Variants in HS3ST5 observed in about 807,000 individuals in gnomAD.
HS3ST5 encodes heparan sulfate-glucosamine 3-sulfotransferase 5.
A neutral mutation model predicts 25.4 loss-of-function variants in HS3ST5; 10 were observed. The observed-to-expected ratio is 0.39, with a 90% confidence interval of 0.24 to 0.67. The LOEUF (loss-of-function observed/expected upper bound fraction) is 0.67, where lower values mean the gene tolerates loss of function less well. Ranked by LOEUF, HS3ST5 falls within the 30% of genes least tolerant of loss-of-function variation. HS3ST5 has a pLI of 0.44. For missense variants in HS3ST5, 324 were observed against 420.7 expected (o/e 0.77, Z 2.01); for synonymous variants, 170 against 162.4 (o/e 1.05, Z -0.36).
At chr6:114,069,916 T>C (rs558158152) in intron 3 of HS3ST5, among the ~76,000 whole-genome samples, 1 of 152,242 alleles carries the variant, frequency 6.6e-6, no homozygotes, top group South Asian at 2.1e-4. Flanking sequence ...TAGTGGTGGT[T>C]TACACTTACA....
intron 3 of HS3ST5, among the ~76,000 whole-genome samples, chr6:114,093,358 TG>T (rs1775238544): frequency 3.5e-4 from 24 of 69,062 alleles, no homozygotes; most frequent in Non-Finnish European, 4.3e-4. Flanking sequence ...TTTGTTTGTG[TG>T]TGTGTGTGTG....
intron 1 of HS3ST5, among the ~76,000 whole-genome samples, chr6:114,231,134 C>T (rs968339070): frequency 1.3e-5 from 2 of 152,168 alleles, no homozygotes; most frequent in South Asian, 2.1e-4. Flanking sequence ...TGATAGTTCT[C>T]ATGAGGTATG....
intron 2 of HS3ST5, among the ~76,000 whole-genome samples, chr6:114,172,194 C>T (rs1779504100): frequency 6.6e-6 from 1 of 152,232 alleles, no homozygotes; most frequent in South Asian, 2.1e-4. Context: ...CCTTTTCACA[C>T]TACCATTATT....
intron 2 of HS3ST5, among the ~76,000 whole-genome samples, chr6:114,184,122 G>C (rs1780100702): frequency 6.8e-6 from 1 of 146,270 alleles, no homozygotes; most frequent in Admixed American, 7.0e-5. Context: ...GAGTGCAGTG[G>C]GGCACAGTCT....
At chr6:114,211,554 AT>A (rs1470438640) in intron 2 of HS3ST5, among the ~76,000 whole-genome samples, 1 of 152,212 alleles carries the variant, frequency 6.6e-6, no homozygotes, top group East Asian at 1.9e-4. Flanking sequence ...AACTTTAGGA[AT>A]TTTTTATGAG....
intron 3 of HS3ST5, among the ~76,000 whole-genome samples, chr6:114,155,169 A>G (rs1268454255): frequency 6.6e-6 from 1 of 152,188 alleles, no homozygotes; most frequent in East Asian, 1.9e-4. Context: ...GTTTAACTCT[A>G]CTTCTTACAT....
chr6:114,162,423 T>G (rs1779017672), intron 3 of HS3ST5, among the ~76,000 whole-genome samples: 1 of 152,208 alleles, frequency 6.6e-6, no homozygotes, highest in Non-Finnish European at 1.5e-5. Context: ...TGTTATCACT[T>G]CTGCCCAGAA....
At chr6:114,184,067 T>G (rs1780094477) in intron 2 of HS3ST5, among the ~76,000 whole-genome samples, 2 of 135,064 alleles carry the variant, frequency 1.5e-5, no homozygotes, top group African/African-American at 2.8e-5. Flanking sequence ...TTTTTTTTTT[T>G]TTTTTTTTTT....
intron 1 of HS3ST5, among the ~76,000 whole-genome samples, chr6:114,250,659 T>C (rs538941945): frequency 4.1e-4 from 63 of 152,322 alleles, no homozygotes; most frequent in African/African-American, 1.5e-3. Flanking sequence ...CTGCAAACTT[T>C]GACCTGAAGG....
chr6:114,313,816 G>A (rs143452512), intron 1 of HS3ST5, among the ~76,000 whole-genome samples: 12 of 152,276 alleles, frequency 7.9e-5, no homozygotes, highest in African/African-American at 2.4e-4. Flanking sequence ...TGTATCGATC[G>A]AGTAATTAAA....
intron 1 of HS3ST5, among the ~76,000 whole-genome samples, chr6:114,270,172 A>G (rs1339074236): frequency 6.6e-6 from 1 of 152,212 alleles, no homozygotes; most frequent in Non-Finnish European, 1.5e-5. Flanking sequence ...TAAATGAGAA[A>G]AAAGAAGATG....
intron 3 of HS3ST5, among the ~76,000 whole-genome samples, chr6:114,090,390 T>C (rs554595028): frequency 5.9e-5 from 9 of 152,270 alleles, no homozygotes; most frequent in Admixed American, 4.6e-4. Context: ...TATTCTGAAG[T>C]AGTAAATGAA....
intron 2 of HS3ST5, among the ~76,000 whole-genome samples, chr6:114,200,448 T>G (rs749942265): frequency 1.1e-4 from 16 of 152,212 alleles, no homozygotes; most frequent in Non-Finnish European, 2.2e-4. Context: ...TTGAAAAATC[T>G]TAGTGGATAT....
chr6:114,264,333 G>A (rs926859165), intron 1 of HS3ST5, among the ~76,000 whole-genome samples: 13 of 152,108 alleles, frequency 8.5e-5, no homozygotes, highest in Non-Finnish European at 1.8e-4. Context: ...TCTGAAAGTC[G>A]TAACATTGTG....
intron 3 of HS3ST5, among the ~76,000 whole-genome samples, chr6:114,147,615 C>G (rs1337389317): frequency 6.6e-5 from 10 of 152,168 alleles, no homozygotes; most frequent in Admixed American, 6.5e-4. Flanking sequence ...GAGTCTCGCT[C>G]TGTCACCCAG....
intron 1 of HS3ST5, among the ~76,000 whole-genome samples, chr6:114,289,642 A>T (rs780053831): frequency 2.6e-5 from 4 of 152,128 alleles, no homozygotes; most frequent in Non-Finnish European, 4.4e-5. Flanking sequence ...AGTTTGTTTC[A>T]GCTAAAGGAC....
chr6:114,065,471 C>T (rs1397776644), intron 3 of HS3ST5, among the ~76,000 whole-genome samples: 3 of 152,174 alleles, frequency 2.0e-5, no homozygotes, highest in Admixed American at 1.3e-4. Flanking sequence ...TAAATACTCC[C>T]CTTAGTAGCT....
At chr6:114,287,717 C>G (rs1024547161) in intron 1 of HS3ST5, among the ~76,000 whole-genome samples, 12 of 151,940 alleles carry the variant, frequency 7.9e-5, no homozygotes, top group African/African-American at 2.7e-4. Context: ...GTATTCAAAT[C>G]AAACAAACAT....
chr6:114,103,510 GT>G (rs1775831349), intron 3 of HS3ST5, among the ~76,000 whole-genome samples: 1 of 152,044 alleles, frequency 6.6e-6, no homozygotes, highest in African/African-American at 2.4e-5. Flanking sequence ...ACATCAGCTA[GT>G]TGACTTCAGA....
Sources: gnomAD v4.1 joint callset for allele counts (sites outside exome capture counted in the v4.1 genomes callset) on GRCh38, gnomAD v4.1.1 for gene constraint, MANE v1.5 for transcripts, NCBI Gene and HGNC (gene_info 2026-07-23, HGNC 2026-07-21) for gene names.